SLC16A1: variants seen among roughly 807,000 people sequenced by gnomAD.
SLC16A1 encodes monocarboxylate transporter 1.
In SLC16A1, 11 loss-of-function variants were observed where a neutral mutation model predicts 32.2. That is an observed-to-expected ratio of 0.34 (90% CI 0.21 to 0.56). SLC16A1 has a LOEUF of 0.56. Ranked by LOEUF, SLC16A1 falls within the 20% of genes least tolerant of loss-of-function variation. The pLI, the probability that SLC16A1 is intolerant of heterozygous loss-of-function variation, is 0.87. For missense variants in SLC16A1, 435 were observed against 615.0 expected (o/e 0.71, Z 3.10); for synonymous variants, 231 against 226.8 (o/e 1.02, Z -0.17).
rs2101618120 is a variant in SLC16A1 at position 112,914,048 on chromosome 1, G to A, written c.1346C>T (p.Ala449Val). 6.2e-7 allele frequency: 1 copy of A among 1,613,964 alleles called. No homozygotes were observed. Among genetic ancestry groups the A allele is most frequent in the Non-Finnish European group, 8.5e-7 (1 of 1,180,008 alleles). ...CTGCTCGTTTGCTTTCTGTTCTTTT[G>A]CCAAAAGTCGATAATTGATGCCCAT... ...IGMGINYRLL[A>V]KEQKANEQKK... The change falls in exon 5 of 5, where the codon GCA becomes GTA. Residue 449 changes from alanine (A) to valine (V), a missense_variant. Coordinates refer to ENST00000369626, the MANE Select transcript of SLC16A1 (RefSeq NM_003051.4).
chr1:112,944,271 C>T (rs1007849643), intron 1 of SLC16A1, among the ~76,000 whole-genome samples: 5 of 152,002 alleles, frequency 3.3e-5, no homozygotes, highest in South Asian at 2.1e-4. Context: ...GGCCATATGG[C>T]GAAACCCTGT....
chr1:112,949,837 C>T (rs937042451), intron 1 of SLC16A1, among the ~76,000 whole-genome samples: 11 of 152,070 alleles, frequency 7.2e-5, no homozygotes, highest in Non-Finnish European at 1.5e-4. Context: ...CGTGCCCAGA[C>T]AGAATAATGT....
At chr1:112,952,221 G>A (rs750337397) in intron 1 of SLC16A1, among the ~76,000 whole-genome samples, 58 of 152,220 alleles carry the variant, frequency 3.8e-4, no homozygotes, top group Admixed American at 2.0e-3. Context: ...CATCCAGGAT[G>A]AGAGAAACCG....
chr1:112,933,848 T>C (rs1179955231), intron 1 of SLC16A1, among the ~76,000 whole-genome samples: 1 of 152,174 alleles, frequency 6.6e-6, no homozygotes, highest in African/African-American at 2.4e-5. Flanking sequence ...ATATTTAACA[T>C]ATGAGCCAGC....
chr1:112,916,868 G>A (rs1648530529), intron 4 of SLC16A1, among the ~76,000 whole-genome samples: 1 of 152,144 alleles, frequency 6.6e-6, no homozygotes, highest in African/African-American at 2.4e-5. Flanking sequence ...GGCGGAGGTT[G>A]CAGTGAGCTG....
At chr1:112,937,583 T>A (rs1236369806) in intron 1 of SLC16A1, among the ~76,000 whole-genome samples, 4 of 152,184 alleles carry the variant, frequency 2.6e-5, no homozygotes, top group African/African-American at 9.7e-5. Flanking sequence ...TTTCCTTTTT[T>A]AACTGGCAAA....
chr1:112,917,638 G>A lies in SLC16A1; in HGVS notation c.768C>T (p.Thr256=). The stretch of plus-strand genomic sequence containing the variant: ...GCAAAAAGCCTCTGTGGGTGAATAG[G>A]GTTAAGTCCAGGAACTGATTAATTG... The part of the protein sequence containing the change: ...FQTINQFLDL[T]LFTHRGFLLY... Residue 256 remains threonine (T), a synonymous_variant, in exon 4 of 5, where the codon ACC becomes ACT. Coordinates refer to ENST00000369626, the MANE Select transcript of SLC16A1 (RefSeq NM_003051.4). The surrounding 1 kb of genome is among the most constrained non-coding windows in gnomAD (Gnocchi z 4.1). 6.2e-7 allele frequency: 1 copy of A among 1,614,188 alleles called. No individual in the cohort carries two copies. The highest frequency in any genetic ancestry group is 1.3e-5 in the African/African-American group (1 of 75,042).
At position 112,924,282 on chromosome 1, in the gene SLC16A1, G is replaced by A. The variant is rs570169870; in HGVS notation, c.218-2149C>T. 7.1e-5 allele frequency: 103 copies of A among 1,447,054 alleles called. No homozygotes were observed. The African/African-American group carries it at 1.2e-3, about 17-fold the overall frequency. The allele number at this position is 1,447,054 out of a possible 1,614,324, so 89.6% of individuals were successfully genotyped here. ...GGAAGGGCCCCTGGAGCCAGATGTT[G>A]TGGAGGCCTTTAATCAAGCCTGGCA... is the stretch of plus-strand genomic sequence containing the variant. On this transcript the variant is annotated intron_variant, in intron 2 of 4. Transcript: ENST00000369626.
At chr1:112,949,264 G>A (rs1052378948) in intron 1 of SLC16A1, among the ~76,000 whole-genome samples, 5 of 152,060 alleles carry the variant, frequency 3.3e-5, no homozygotes, top group African/African-American at 1.2e-4. Flanking sequence ...GGTCAAGCTG[G>A]TCTCGAACTC....
chr1:112,934,636 G>T (rs1341696040), intron 1 of SLC16A1, among the ~76,000 whole-genome samples: 1 of 152,186 alleles, frequency 6.6e-6, no homozygotes, highest in Non-Finnish European at 1.5e-5. Flanking sequence ...AAAGGAGAGG[G>T]CAGGCAAACT....
chr1:112,926,881 A>AAAAT (rs747249752), intron 2 of SLC16A1, among the ~76,000 whole-genome samples: 336 of 148,390 alleles, frequency 2.3e-3, no homozygotes, highest in South Asian at 6.9e-3. Context: ...ACCCTATCTC[A>AAAAT]AAATAAATAA....
chr1:112,930,397 G>GA (rs375728925), intron 1 of SLC16A1, among the ~76,000 whole-genome samples: 177 of 147,130 alleles, frequency 1.2e-3, no homozygotes, highest in African/African-American at 3.8e-3. Flanking sequence ...TGTGTAAGAG[G>GA]AAAAAAAAAA....
chr1:112,945,928 T>C (rs1023984610), intron 1 of SLC16A1, among the ~76,000 whole-genome samples: 4 of 151,912 alleles, frequency 2.6e-5, no homozygotes, highest in African/African-American at 7.3e-5. Flanking sequence ...GAGGCGGAGA[T>C]TGAGGTGAGC....
rs1384212747 is a variant in SLC16A1 at position 112,913,689 on chromosome 1, C to T, written c.*202G>A. On this transcript the variant is annotated 3_prime_UTR_variant, in exon 5 of 5. Transcript: ENST00000369626. Reference sequence around the variant, plus strand: ...AACAGAACCTACTTCTTTCCCCCATCCTTTGCTACCAATCATTCCCTCCTC... The same window carrying T: ...AACAGAACCTACTTCTTTCCCCCATTCTTTGCTACCAATCATTCCCTCCTC... 2 of 630,050 alleles carry T rather than the reference C, an allele frequency of 3.2e-6. No individual in the cohort carries two copies. Among genetic ancestry groups the T allele is most frequent in the Admixed American group, 2.7e-5 (1 of 36,922 alleles). 39.0% of individuals were successfully genotyped at this position (630,050 alleles called of 1,614,324 possible).
intron 1 of SLC16A1, among the ~76,000 whole-genome samples, chr1:112,943,216 C>A (rs777309948): frequency 1.3e-5 from 2 of 152,082 alleles, no homozygotes; most frequent in Non-Finnish European, 2.9e-5. Flanking sequence ...GATAGTGACC[C>A]ATTCATTTTA....
Position 112,913,520 on chromosome 1 carries a change from CCTTTTAACACAACA to C in SLC16A1, c.*357_*370del. 1 of 189,018 alleles carries C rather than the reference CCTTTTAACACAACA, an allele frequency of 5.3e-6. No homozygotes were observed. The highest frequency in any genetic ancestry group is 1.1e-5 in the Non-Finnish European group (1 of 90,072). The allele number at this position is 189,018 out of a possible 1,614,324, so 11.7% of individuals were successfully genotyped here. A position where few individuals can be genotyped will look rare whatever the true frequency, so the allele number is the denominator to read the frequency against. On this transcript the variant is annotated 3_prime_UTR_variant, in exon 5 of 5. Coordinates refer to ENST00000369626, the MANE Select transcript of SLC16A1 (RefSeq NM_003051.4). ...CTCAAACAAGTTAGTTGTTATTTTT[CCTTTTAACACAACA>C]CTCGAAATAGATGAATTCAGCAAAA...
intron 4 of SLC16A1, among the ~76,000 whole-genome samples, chr1:112,915,264 C>T (rs1462378800): frequency 1.3e-5 from 2 of 152,086 alleles, no homozygotes; most frequent in Non-Finnish European, 2.9e-5. Context: ...GAAAGCTTTC[C>T]TTAAAGTGTC....
chr1:112,917,101 G>T lies in SLC16A1; in HGVS notation c.1228+77C>A, dbSNP rs773850817. ...ATTCTTACCCAAATAGCTCACTAAT[G>T]TTTGCTTTCTGTCAGCATTCCCATC... On this transcript the variant is annotated intron_variant, in intron 4 of 4. Transcript: ENST00000369626. The surrounding 1 kb of genome is among the most constrained non-coding windows in gnomAD (Gnocchi z 4.1). The T allele has an allele frequency of 1.3e-6, 2 of 1,579,268 alleles. No homozygotes were observed. Among genetic ancestry groups the T allele is most frequent in the South Asian group, 2.2e-5 (2 of 89,190 alleles).
At position 112,928,921 on chromosome 1, in the gene SLC16A1, G is replaced by C. The variant is rs113024488; in HGVS notation, c.217+171C>G. The stretch of plus-strand genomic sequence containing the variant: ...AATACTACAGTATACTATAGCAAGA[G>C]TTGCTATTGTTATCAGGAATGAAAA... On this transcript the variant is annotated intron_variant, in intron 2 of 4. Transcript: ENST00000369626. 1.9e-3 allele frequency: 1,159 copies of C among 620,942 alleles called. 13 individuals carry two copies. In the African/African-American group the frequency reaches 0.019, roughly 10 times the overall value. The allele number at this position is 620,942 out of a possible 1,614,324, so 38.5% of individuals were successfully genotyped here. A position where few individuals can be genotyped will look rare whatever the true frequency, so the allele number is the denominator to read the frequency against.
Sources: gnomAD v4.1 joint callset for allele counts (sites outside exome capture counted in the v4.1 genomes callset) on GRCh38, gnomAD v4.1.1 for gene constraint, Gnocchi (gnomAD v3.1) non-coding constraint, MANE v1.5 for transcripts, NCBI Gene and HGNC (gene_info 2026-07-23, HGNC 2026-07-21) for gene names.